The following CEND1 variants were observed in gnomAD, a reference collection of about 807,000 sequenced individuals.
CEND1 encodes the protein cell cycle exit and neuronal differentiation protein 1.
A neutral mutation model predicts 4.4 loss-of-function variants in CEND1; 1 was observed. The observed-to-expected ratio is 0.23, with a 90% CI of 0.08 to 1.09. The LOEUF is 1.09. Among genes scored for constraint, CEND1 ranks in the 50% least tolerant of loss-of-function variants. The pLI is 0.55. For missense variants in CEND1, 213 were observed against 201.2 expected, an observed-to-expected ratio of 1.06 and a Z score of -0.35; for synonymous variants, 109 against 93.0, an observed-to-expected ratio of 1.17 and a Z score of -0.99.
In CEND1 at chr11:788,242, C is replaced by G; in HGVS notation, c.335G>C (p.Gly112Ala). ...CTCACAGGACCAGGGACCTCGGCCCCCAGGCCCCCCACTGGCAGCCTCATC... is the reference window on the plus strand; with the variant it reads ...CTCACAGGACCAGGGACCTCGGCCCGCAGGCCCCCCACTGGCAGCCTCATC... ...EEDEAASGGP[G>A]GRGPWSCENF... The change falls in exon 2 of 2, where the codon GGG becomes GCG. Residue 112 changes from glycine to alanine, a missense_variant. Physicochemically the swap from Gly to Ala is moderately conservative, Grantham distance 60 (BLOSUM62 0). Coordinates refer to ENST00000330106, the MANE Select transcript of CEND1 (RefSeq NM_016564.4). 1 of 1,610,786 alleles carries G rather than the reference C, an allele frequency of 6.2e-7. No individual in the cohort carries two copies. The highest frequency in any genetic ancestry group is 8.5e-7 in the Non-Finnish European group (1 of 1,178,802).
rs1358975285 is a variant in CEND1 at position 787,629 on chromosome 11, A to G, written c.*498T>C. ...GTGGCATTGAGGCTCTGCTGAGGTG[A>G]GTGCCCACCCCAGGTCCGTCCCACT... On this transcript the variant is annotated 3_prime_UTR_variant, in exon 2 of 2. Coordinates refer to ENST00000330106, the MANE Select transcript of CEND1 (RefSeq NM_016564.4). 2.6e-5 allele frequency: 4 copies of G among 152,414 alleles called. No individual in the cohort carries two copies. The highest frequency in any genetic ancestry group is 5.9e-5 in the Non-Finnish European group (4 of 68,180). 9.4% of individuals were successfully genotyped at this position (152,414 alleles called of 1,614,324 possible). A position where few individuals can be genotyped will look rare whatever the true frequency, so the allele number is the denominator to read the frequency against.
rs1864370231 is a variant in CEND1, at chr11:787,540, C to G, written c.*587G>C. 1 of 152,318 alleles carries G rather than the reference C, an allele frequency of 6.6e-6. No homozygotes were observed. The highest frequency in any genetic ancestry group is 2.4e-5 in the African/African-American group (1 of 41,410). 9.4% of individuals were successfully genotyped at this position (152,318 alleles called of 1,614,324 possible). A position where few individuals can be genotyped will look rare whatever the true frequency, so the allele number is the denominator to read the frequency against. ...GGGAAGGCGACCCTTGGGCAGCACC[C>G]CCTCCACACGCAGGCTTCAGGGCTC... On this transcript the variant is annotated 3_prime_UTR_variant, in exon 2 of 2. Coordinates refer to ENST00000330106, the MANE Select transcript of CEND1 (RefSeq NM_016564.4).
At position 788,688 on chromosome 11, in the gene CEND1, C is replaced by T. The variant is rs185245640; in HGVS notation, c.-82-30G>A. 200 of 1,061,622 alleles carry T rather than the reference C, an allele frequency of 1.9e-4. No individual in the cohort carries two copies. The East Asian group carries it at 4.3e-3, about 23-fold the overall frequency. 65.8% of individuals were successfully genotyped at this position (1,061,622 alleles called of 1,614,324 possible). On this transcript the variant is annotated intron_variant, in intron 1 of 1. Transcript: ENST00000330106. Reference sequence around the variant, plus strand: ...AGGGAGACACAAGGGAGGCTGCGCGCGGGTCCAGTCCCCCCTGTGCTGCCC... The same window carrying T: ...AGGGAGACACAAGGGAGGCTGCGCGTGGGTCCAGTCCCCCCTGTGCTGCCC...
chr11:789,683 TGAAGGTCACCC>T lies in CEND1; in HGVS notation c.-83+336_-83+346del, dbSNP rs1864418347. On this transcript the variant is annotated intron_variant, in intron 1 of 1. Coordinates refer to ENST00000330106, the MANE Select transcript of CEND1 (RefSeq NM_016564.4). ...CCCCCGCCAGGTGCATTGACCACACTGAAGGTCACCCGAAGGTCACAGCATGATGAGGGCGT... is the reference window on the plus strand; with the variant it reads ...CCCCCGCCAGGTGCATTGACCACACTGAAGGTCACAGCATGATGAGGGCGT... Among the ~76,000 whole-genome samples, 7 of 151,240 alleles carry T rather than the reference TGAAGGTCACCC, an allele frequency of 4.6e-5. No individual in the cohort carries two copies. The South Asian group carries it at 1.5e-3, about 32-fold the overall frequency.
chr11:788,357 T>G lies in CEND1; in HGVS notation c.220A>C (p.Asn74His). Residue 74 changes from asparagine (N) to histidine (H), a missense_variant, in exon 2 of 2, where the codon AAC becomes CAC. Transcript: ENST00000330106. ...GGGGCTGGCTTCAGGTTGCTGTGGT[T>G]GTTGAGAAGGGCAGGGTCGGCCTTG... ...SAKADPALLN[N>H]HSNLKPAPTV... The G allele has an allele frequency of 1.2e-6, 2 of 1,602,168 alleles. No individual in the cohort carries two copies. Among genetic ancestry groups the G allele is most frequent in the Non-Finnish European group, 8.5e-7 (1 of 1,171,490 alleles).
At chr11:789,789 G>A (rs1309533269) in intron 1 of CEND1, among the ~76,000 whole-genome samples, 1 of 152,120 alleles carries the variant, frequency 6.6e-6, no homozygotes, top group East Asian at 1.9e-4. Context: ...TGCAGTTCTC[G>A]GGGGGCTCAG....
Position 788,691 on chromosome 11 carries a change from G to T in CEND1, c.-82-33C>A. ...GAGACACAAGGGAGGCTGCGCGCGG[G>T]TCCAGTCCCCCCTGTGCTGCCCCGA... On this transcript the variant is annotated intron_variant, in intron 1 of 1. Transcript: ENST00000330106. The T allele has an allele frequency of 4.8e-6, 5 of 1,045,200 alleles. No homozygotes were observed. In the South Asian group the frequency reaches 6.7e-5, roughly 14 times the overall value. 64.7% of individuals were successfully genotyped at this position (1,045,200 alleles called of 1,614,324 possible). A position where few individuals can be genotyped will look rare whatever the true frequency, so the allele number is the denominator to read the frequency against.
chr11:789,450 G>T (rs561850480), intron 1 of CEND1, among the ~76,000 whole-genome samples: 11 of 152,322 alleles, frequency 7.2e-5, no homozygotes, highest in African/African-American at 2.6e-4. Context: ...CCGCGGGTCA[G>T]GGCGGAGGAC....
intron 1 of CEND1, 57 bp downstream of exon 1, chr11:789,973 C>T (rs1864426950): frequency 6.6e-6 from 1 of 151,962 alleles, no homozygotes; most frequent in Admixed American, 6.6e-5. Context: ...CCTCCTCGCC[C>T]CGCAGGACGC....
intron 1 of CEND1, among the ~76,000 whole-genome samples, chr11:789,786 C>G (rs1040103615): frequency 6.6e-6 from 1 of 152,324 alleles, no homozygotes; most frequent in South Asian, 2.1e-4. Context: ...CCCTGCAGTT[C>G]TCGGGGGGCT....
chr11:787,993 CGT>C lies in CEND1; in HGVS notation c.*132_*133del, dbSNP rs972683455. 4.8e-5 allele frequency: 32 copies of C among 665,496 alleles called. No individual in the cohort carries two copies. Among genetic ancestry groups the C allele is most frequent in the Middle Eastern group, 8.6e-4 (2 of 2,330 alleles). 41.2% of individuals were successfully genotyped at this position (665,496 alleles called of 1,614,324 possible). A position where few individuals can be genotyped will look rare whatever the true frequency, so the allele number is the denominator to read the frequency against. ...GCTCGGGCGTCCTCTTCACCGTGCG[CGT>C]GTGTTGGGGGCGTATGTAGGTGTGT... is the stretch of plus-strand genomic sequence containing the variant. On this transcript the variant is annotated 3_prime_UTR_variant, in exon 2 of 2. Coordinates refer to ENST00000330106, the MANE Select transcript of CEND1 (RefSeq NM_016564.4).
chr11:788,436 C>G lies in CEND1; in HGVS notation c.141G>C (p.Glu47Asp). The change falls in exon 2 of 2, where the codon GAG (glutamate) becomes GAC (aspartate). Residue 47 changes from glutamate to aspartate, a missense_variant. Coordinates refer to ENST00000330106, the MANE Select transcript of CEND1 (RefSeq NM_016564.4). ...TKPSKKEAPA[E>D]KQQPPAAPTT... ...TGGGGGCTGCTGGCGGCTGCTGCTT[C>G]TCGGCCGGGGCCTCCTTCTTCGAGG... 3 of 1,581,018 alleles carry G rather than the reference C, an allele frequency of 1.9e-6. No homozygotes were observed. The South Asian group carries it at 3.4e-5, about 18-fold the overall frequency.
In CEND1 at chr11:787,991, C is replaced by T. The variant is rs1351906332; in HGVS notation, c.*136G>A. 6.1e-6 allele frequency: 4 copies of T among 651,664 alleles called. No homozygotes were observed. The highest frequency in any genetic ancestry group is 3.7e-5 in the South Asian group (1 of 26,908). The allele number at this position is 651,664 out of a possible 1,614,324, so 40.4% of individuals were successfully genotyped here. On this transcript the variant is annotated 3_prime_UTR_variant, in exon 2 of 2. Transcript: ENST00000330106. Reference sequence around the variant, plus strand: ...GGGCTCGGGCGTCCTCTTCACCGTGCGCGTGTGTTGGGGGCGTATGTAGGT... The same window carrying T: ...GGGCTCGGGCGTCCTCTTCACCGTGTGCGTGTGTTGGGGGCGTATGTAGGT...
At chr11:789,582 C>G (rs1864415149) in intron 1 of CEND1, among the ~76,000 whole-genome samples, 1 of 152,168 alleles carries the variant, frequency 6.6e-6, no homozygotes, top group Non-Finnish European at 1.5e-5. Context: ...GCCCCAGAGG[C>G]CGCCTGTCTG....
In CEND1 at chr11:790,088, C is replaced by G. The variant is rs1010616503; in HGVS notation, c.-141G>C. On this transcript the variant is annotated 5_prime_UTR_variant, in exon 1 of 2. Coordinates refer to ENST00000330106, the MANE Select transcript of CEND1 (RefSeq NM_016564.4). Reference sequence around the variant, plus strand: ...TCCGCGGGATGACGGCGGCTGCGAACGCGGAGGAGAGCTCGGGAGTTTCCC... The same window carrying G: ...TCCGCGGGATGACGGCGGCTGCGAAGGCGGAGGAGAGCTCGGGAGTTTCCC... 1.3e-5 allele frequency: 2 copies of G among 152,162 alleles called. No homozygotes were observed. The highest frequency in any genetic ancestry group is 2.9e-5 in the Non-Finnish European group (2 of 67,946). 9.4% of individuals were successfully genotyped at this position (152,162 alleles called of 1,614,324 possible).
chr11:787,436 C>G lies in CEND1; in HGVS notation c.*691G>C. The stretch of plus-strand genomic sequence containing the variant: ...AAGCTGGAGGGGCAGTCTAGCGGGG[C>G]AGGGCGGGCACAGCTGTGAGGGGCC... On this transcript the variant is annotated 3_prime_UTR_variant, in exon 2 of 2. Transcript: ENST00000330106. 6.6e-6 allele frequency: 1 copy of G among 152,658 alleles called. No homozygotes were observed. Among genetic ancestry groups the G allele is most frequent in the Non-Finnish European group, 1.5e-5 (1 of 68,122 alleles). The allele number at this position is 152,658 out of a possible 1,614,324, so 9.5% of individuals were successfully genotyped here.
In CEND1 at chr11:787,863, G is replaced by A. The variant is rs1056437721; in HGVS notation, c.*264C>T. 13 of 306,028 alleles carry A rather than the reference G, an allele frequency of 4.2e-5. No individual in the cohort carries two copies. The highest frequency in any genetic ancestry group is 2.5e-4 in the Admixed American group (5 of 19,744). 19.0% of individuals were successfully genotyped at this position (306,028 alleles called of 1,614,324 possible). On this transcript the variant is annotated 3_prime_UTR_variant, in exon 2 of 2. Coordinates refer to ENST00000330106, the MANE Select transcript of CEND1 (RefSeq NM_016564.4). ...CACACACAGGGTCCATTCCTTTCTT[G>A]CCGTTCCCCAGCTGTGCCCTCGCCC...
In CEND1 at chr11:788,094, G is replaced by A; in HGVS notation, c.*33C>T. Reference sequence around the variant, plus strand: ...TGGCTTCCTCGGGTCTGTACAGGAAGTGGCTCCGTGCCCCCCGCCTGGCCC... The same window carrying A: ...TGGCTTCCTCGGGTCTGTACAGGAAATGGCTCCGTGCCCCCCGCCTGGCCC... On this transcript the variant is annotated 3_prime_UTR_variant, in exon 2 of 2. Transcript: ENST00000330106. 6.8e-7 allele frequency: 1 copy of A among 1,477,290 alleles called. No individual in the cohort carries two copies. The highest frequency in any genetic ancestry group is 9.0e-7 in the Non-Finnish European group (1 of 1,115,632). 91.5% of individuals were successfully genotyped at this position (1,477,290 alleles called of 1,614,324 possible).
chr11:788,001 G>T lies in CEND1; in HGVS notation c.*126C>A. On this transcript the variant is annotated 3_prime_UTR_variant, in exon 2 of 2. Coordinates refer to ENST00000330106, the MANE Select transcript of CEND1 (RefSeq NM_016564.4). ...GTCCTCTTCACCGTGCGCGTGTGTT[G>T]GGGGCGTATGTAGGTGTGTAATGAA... 2 of 716,668 alleles carry T rather than the reference G, an allele frequency of 2.8e-6. No homozygotes were observed. Among genetic ancestry groups the T allele is most frequent in the Non-Finnish European group, 4.1e-6 (2 of 482,948 alleles). 44.4% of individuals were successfully genotyped at this position (716,668 alleles called of 1,614,324 possible). A position where few individuals can be genotyped will look rare whatever the true frequency, so the allele number is the denominator to read the frequency against.
Sources: allele counts gnomAD v4.1 joint callset (sites outside exome capture counted in the v4.1 genomes callset), GRCh38; gene constraint gnomAD v4.1.1; transcripts MANE v1.5; gene names NCBI Gene and HGNC (gene_info 2026-07-23, HGNC 2026-07-21).